The following KIDINS220 variants were observed in gnomAD, a reference collection of about 807,000 sequenced individuals.
KIDINS220 encodes the protein kinase D interacting substrate 220.
A neutral mutation model predicts 157.6 loss-of-function variants in KIDINS220; 63 were observed. That is an observed-to-expected ratio of 0.40 (90% CI 0.33 to 0.49). The LOEUF is 0.49. Ranked by LOEUF, KIDINS220 falls within the 20% of genes least tolerant of loss-of-function variation. KIDINS220 has a pLI of 0.66. For synonymous variants in KIDINS220, 732 were observed against 783.6 expected (o/e 0.93, Z 1.10); for missense variants, 1,772 against 2,171.2 (o/e 0.82, Z 3.65).
At chr2:8,812,571 G>T in intron 5 of KIDINS220, 78 bp from the exon 6 acceptor site, 1 of 661,924 alleles carries the variant, frequency 1.5e-6, no homozygotes, top group Non-Finnish European at 2.4e-6. Flanking sequence ...GGGAGGGAGG[G>T]AAGGAGAAAT....
At position 8,747,277 on chromosome 2, in the gene KIDINS220, T is replaced by A. The variant is rs181658607; in HGVS notation, c.3529-76A>T. 346 of 1,260,864 alleles carry A rather than the reference T, an allele frequency of 2.7e-4. No individual in the cohort carries two copies. The highest frequency in any genetic ancestry group is 3.7e-4 in the Non-Finnish European group (321 of 858,086). 78.1% of individuals were successfully genotyped at this position (1,260,864 alleles called of 1,614,324 possible). ...AAACTGTGAAGACAAATGAACATGA[T>A]GGTAAAATAATATACAACACTGAAA... On this transcript the variant is annotated intron_variant, in intron 25 of 29. Transcript: ENST00000256707.
Position 8,790,042 on chromosome 2 carries a change from C to T in KIDINS220, c.1459G>A (p.Ala487Thr). 1 of 1,591,576 alleles carries T rather than the reference C, an allele frequency of 6.3e-7. No individual in the cohort carries two copies. The highest frequency in any genetic ancestry group is 8.5e-7 in the Non-Finnish European group (1 of 1,174,598). Residue 487 changes from alanine to threonine, a missense_variant, in exon 14 of 30, where the codon GCC (alanine) becomes ACC (threonine). Physicochemically the swap from Ala to Thr is moderately conservative, Grantham distance 58. This residue lies in a region of KIDINS220 where 725 missense variants were observed against 1,017.1 expected (regional missense o/e 0.71). Coordinates refer to ENST00000256707, the MANE Select transcript of KIDINS220 (RefSeq NM_020738.4). ...AAGAGAGGCTCAATCTGTTGTCCGG[C>T]GAAGGTTTTCATTTCGTCTGAAAGA... ...KKLEDEMKTFAGQQIEPLFQF... is the reference protein window; with the variant it reads ...KKLEDEMKTFTGQQIEPLFQF...
intron 22 of KIDINS220, among the ~76,000 whole-genome samples, chr2:8,764,324 A>G (rs1489007687): frequency 6.6e-6 from 1 of 152,222 alleles, no homozygotes; most frequent in Non-Finnish European, 1.5e-5. Flanking sequence ...GGTGCACTAA[A>G]TCTCAGAATA....
At chr2:8,753,364 G>A (rs1164077517) in intron 22 of KIDINS220, among the ~76,000 whole-genome samples, 1 of 152,220 alleles carries the variant, frequency 6.6e-6, no homozygotes, top group East Asian at 1.9e-4. Context: ...TATCAATGCA[G>A]AGCAAGGTTT....
intron 1 of KIDINS220, among the ~76,000 whole-genome samples, chr2:8,834,847 A>T (rs1176423530): frequency 1.3e-5 from 2 of 152,112 alleles, no homozygotes; most frequent in Non-Finnish European, 2.9e-5. Flanking sequence ...GTATTTAGTT[A>T]TTTATTTTTA....
chr2:8,776,415 C>A (rs954649166), intron 21 of KIDINS220, among the ~76,000 whole-genome samples: 1 of 151,940 alleles, frequency 6.6e-6, no homozygotes, highest in Non-Finnish European at 1.5e-5. Flanking sequence ...AAGCATATAA[C>A]ATCTGAATCT....
intron 1 of KIDINS220, among the ~76,000 whole-genome samples, chr2:8,833,630 G>A (rs1679976593): frequency 6.6e-6 from 1 of 151,864 alleles, no homozygotes; most frequent in Non-Finnish European, 1.5e-5. Flanking sequence ...CTTAATAGCT[G>A]GCCCATACAA....
rs772198383 is a variant in KIDINS220 at position 8,736,968 on chromosome 2, A to G, written c.3617T>C (p.Leu1206Ser). 2.2e-5 allele frequency: 35 copies of G among 1,614,090 alleles called. No homozygotes were observed. Among genetic ancestry groups the G allele is most frequent in the Non-Finnish European group, 2.7e-5 (32 of 1,180,024 alleles). ...GSGPAPGPVV[L>S]LNSLNVDAVC... is the part of the protein sequence containing the mutation. ...TGCATCCACATTCAGTGAATTCAGTAATACCACTGGGCCTGGGGCTGGGCC... is the reference window on the plus strand; with the variant it reads ...TGCATCCACATTCAGTGAATTCAGTGATACCACTGGGCCTGGGGCTGGGCC... Residue 1206 changes from leucine to serine, a missense_variant, in exon 27 of 30, where the codon TTA becomes TCA. Leu to Ser is a moderately radical substitution (Grantham distance 145, BLOSUM62 -2). Around this residue, in one of 3 missense-constraint regions of KIDINS220, gnomAD observed 793 missense variants for 885.5 expected, o/e 0.90. Coordinates refer to ENST00000256707, the MANE Select transcript of KIDINS220 (RefSeq NM_020738.4).
chr2:8,826,175 C>T (rs184080733), intron 2 of KIDINS220, among the ~76,000 whole-genome samples: 19 of 152,228 alleles, frequency 1.2e-4, no homozygotes, highest in Admixed American at 9.8e-4. Context: ...GGAGAAATAT[C>T]TCATTTGAGT....
rs1205269573 is a variant in KIDINS220 at position 8,762,627 on chromosome 2, TACTC to T, written c.3011+8039_3011+8042del. Among the ~76,000 whole-genome samples, 3 of 152,006 alleles carry T rather than the reference TACTC, an allele frequency of 2.0e-5. No homozygotes were observed. The East Asian group carries it at 5.8e-4, about 29-fold the overall frequency. The stretch of plus-strand genomic sequence containing the variant: ...GGTGGTGGGCGCCTGTAGTCCCAGT[TACTC>T]AGGAGGCTGAGGCAGGAGAATGGCG... On this transcript the variant is annotated intron_variant, in intron 22 of 29. Coordinates refer to ENST00000256707, the MANE Select transcript of KIDINS220 (RefSeq NM_020738.4).
In KIDINS220 at chr2:8,785,783, T is replaced by C; in HGVS notation, c.2187A>G (p.Ala729=). ...TTTTCAATTTGTGCAGTTTGGAGGC[T>C]GCATTATGGAGGCGTTTTCTTTGGG... is the stretch of plus-strand genomic sequence containing the variant. ...LNSQRKRLHN[A]ASKLHKLKSE... The change falls in exon 17 of 30, where the codon GCA becomes GCG. Residue 729 remains alanine (A), a synonymous_variant. Transcript: ENST00000256707. The C allele has an allele frequency of 1.2e-6, 2 of 1,613,656 alleles. No individual in the cohort carries two copies. The highest frequency in any genetic ancestry group is 1.7e-6 in the Non-Finnish European group (2 of 1,179,908).
In KIDINS220 at chr2:8,734,199, G is replaced by A. The variant is rs7563908; in HGVS notation, c.3816+456C>T. 4.9e-4 allele frequency among the ~76,000 whole-genome samples: 74 copies of A among 151,848 alleles called. 1 individual carries two copies. The highest frequency in any genetic ancestry group is 1.5e-3 in the African/African-American group (64 of 41,306). On this transcript the variant is annotated intron_variant, in intron 28 of 29. Transcript: ENST00000256707. ...CTCTTGGTACGCCGATGGCCAGGGT[G>A]AGCCGACATCACCTGGGGGTGGGGG...
chr2:8,818,637 C>A, intron 3 of KIDINS220, 58 bp downstream of exon 3: 1 of 1,085,904 alleles, frequency 9.2e-7, no homozygotes, highest in Non-Finnish European at 1.4e-6. Context: ...TTCTGAAAAA[C>A]AAAAAAATAG....
At chr2:8,757,688 C>T (rs770633856) in intron 22 of KIDINS220, 9 of 1,612,468 alleles carry the variant, frequency 5.6e-6, no homozygotes, top group Middle Eastern at 1.6e-4. Flanking sequence ...TTTGCAAATG[C>T]CATTAAAATG....
intron 7 of KIDINS220, among the ~76,000 whole-genome samples, chr2:8,804,371 T>A (rs1016317246): frequency 1.3e-5 from 2 of 152,266 alleles, no homozygotes; most frequent in African/African-American, 4.8e-5. Context: ...TTATTTTAAC[T>A]GTTTCTTATG....
chr2:8,771,279 T>C (rs1670195095), intron 21 of KIDINS220, among the ~76,000 whole-genome samples: 2 of 152,228 alleles, frequency 1.3e-5, no homozygotes. Context: ...GTAGTATAGA[T>C]GAATGGGCAA....
intron 28 of KIDINS220, among the ~76,000 whole-genome samples, chr2:8,734,143 A>G (rs1347456631): frequency 1.3e-5 from 2 of 150,552 alleles, no homozygotes; most frequent in African/African-American, 4.9e-5. Flanking sequence ...TGGATGGAAC[A>G]TTACTAAGGG....
At chr2:8,755,910 G>A (rs1038494397) in intron 22 of KIDINS220, among the ~76,000 whole-genome samples, 1 of 152,198 alleles carries the variant, frequency 6.6e-6, no homozygotes, top group Non-Finnish European at 1.5e-5. Context: ...ATTGAGAGGT[G>A]TCAGTCCTCC....
intron 26 of KIDINS220, chr2:8,746,648 T>A (rs1242006841): frequency 6.6e-6 from 1 of 152,556 alleles, no homozygotes; most frequent in African/African-American, 2.4e-5. Flanking sequence ...AGACTAAGAC[T>A]TAACTAAATG....
Sources: gnomAD v4.1 joint callset for allele counts (sites outside exome capture counted in the v4.1 genomes callset) on GRCh38, gnomAD v4.1.1 for gene constraint, gnomAD v4.1.1 regional missense constraint, MANE v1.5 for transcripts, NCBI Gene and HGNC (gene_info 2026-07-23, HGNC 2026-07-21) for gene names.